BCAS3: variants seen among roughly 807,000 people sequenced by gnomAD.
The protein encoded by BCAS3 is BCAS3 microtubule associated cell migration factor, also known as BCAS4/BCAS3 fusion.
A neutral mutation model predicts 116.1 loss-of-function variants in BCAS3; 53 were observed. The ratio of observed to expected loss-of-function variants is 0.46; its 90% CI spans 0.37 to 0.57. BCAS3 has a LOEUF of 0.57. Ranked by LOEUF, BCAS3 falls within the 20% of genes least tolerant of loss-of-function variation. The probability of loss-of-function intolerance (pLI) is 0.00; values close to 1 mark genes in which losing one functional copy is unlikely to be tolerated. For synonymous variants in BCAS3, 391 were observed against 408.2 expected (o/e 0.96, Z 0.51); for missense variants, 917 against 1,165.4 (o/e 0.79, Z 3.10).
chr17:60,860,145 A>G (rs1033711560), intron 7 of BCAS3, among the ~76,000 whole-genome samples: 1 of 151,980 alleles, frequency 6.6e-6, no homozygotes, highest in Non-Finnish European at 1.5e-5. Context: ...TTTCTCCACA[A>G]CCTCGCTAGC....
chr17:60,764,737 G>A (rs1327397922), intron 6 of BCAS3, among the ~76,000 whole-genome samples: 1 of 152,154 alleles, frequency 6.6e-6, no homozygotes, highest in Non-Finnish European at 1.5e-5. Flanking sequence ...CTGAGTTCAA[G>A]TCCTGCATAT....
intron 8 of BCAS3, among the ~76,000 whole-genome samples, chr17:60,873,690 A>G (rs1054334608): frequency 2.6e-5 from 4 of 152,208 alleles, no homozygotes; most frequent in Non-Finnish European, 5.9e-5. Flanking sequence ...AGTGAATTTT[A>G]CTATATTGAG....
rs1218156804 is a variant in BCAS3 at position 60,873,420 on chromosome 17, AT to A, written c.585-1239del. On this transcript the variant is annotated intron_variant, in intron 8 of 23. Coordinates refer to ENST00000407086, the MANE Select transcript of BCAS3 (RefSeq NM_017679.5). ...ACTCATATTAGCATCTGTTGCTCAGATTTACCAGCTTCCAATTTTGAAAAAT... is the reference window on the plus strand; with the variant it reads ...ACTCATATTAGCATCTGTTGCTCAGATTACCAGCTTCCAATTTTGAAAAAT... Among the ~76,000 whole-genome samples the A allele has an allele frequency of 7.2e-5, 11 of 152,272 alleles. No individual in the cohort carries two copies. The East Asian group carries it at 1.7e-3, about 24-fold the overall frequency.
chr17:61,127,303 CCA>C (rs2076096314), intron 22 of BCAS3, among the ~76,000 whole-genome samples: 1 of 152,076 alleles, frequency 6.6e-6, no homozygotes, highest in East Asian at 1.9e-4. Context: ...GAAGGCTTCA[CCA>C]CTGAGTTATT....
intron 22 of BCAS3, among the ~76,000 whole-genome samples, chr17:61,108,643 A>T: frequency 6.8e-6 from 1 of 148,002 alleles, no homozygotes; most frequent in African/African-American, 2.5e-5. Flanking sequence ...TTTGGGGAAC[A>T]GGTGGTGTTT....
chr17:61,072,322 C>A (rs777470765), intron 19 of BCAS3, among the ~76,000 whole-genome samples: 6 of 152,090 alleles, frequency 3.9e-5, no homozygotes, highest in Non-Finnish European at 7.4e-5. Context: ...AATGACCAAT[C>A]CTGTTTTCAT....
chr17:61,018,793 C>T (rs781767311), intron 16 of BCAS3, among the ~76,000 whole-genome samples: 1 of 152,130 alleles, frequency 6.6e-6, no homozygotes, highest in Non-Finnish European at 1.5e-5. Context: ...CAGACATTCT[C>T]TTATATAACT....
intron 23 of BCAS3, among the ~76,000 whole-genome samples, chr17:61,386,493 G>T (rs1350535765): frequency 6.6e-6 from 1 of 152,224 alleles, no homozygotes; most frequent in Non-Finnish European, 1.5e-5. Flanking sequence ...TCCCTTCAGT[G>T]GGCAGCATCA....
chr17:60,688,556 G>A (rs1003933787), intron 3 of BCAS3, among the ~76,000 whole-genome samples: 1 of 152,090 alleles, frequency 6.6e-6, no homozygotes, highest in African/African-American at 2.4e-5. Context: ...GCTCACCTGT[G>A]TAATCCCAGC....
At chr17:61,334,970 C>G (rs1490439161) in intron 22 of BCAS3, among the ~76,000 whole-genome samples, 1 of 152,224 alleles carries the variant, frequency 6.6e-6, no homozygotes, top group Non-Finnish European at 1.5e-5. Flanking sequence ...TGCCTGAGGA[C>G]TGAACCTGAC....
chr17:61,257,747 G>A (rs2048899880), intron 22 of BCAS3, among the ~76,000 whole-genome samples: 1 of 152,224 alleles, frequency 6.6e-6, no homozygotes, highest in African/African-American at 2.4e-5. Flanking sequence ...TGTGATAAAT[G>A]TGTGACTTAC....
Position 61,258,943 on chromosome 17 carries a change from C to T in BCAS3, c.2426-109384C>T, listed in dbSNP as rs1209024829. On this transcript the variant is annotated intron_variant, in intron 22 of 23. Coordinates refer to ENST00000407086, the MANE Select transcript of BCAS3 (RefSeq NM_017679.5). This position sits in a 1 kb window ranked among gnomAD's most constrained non-coding sequence, Gnocchi z 4.7. ...CAGATGTTGCAGTGAGCTTTGAGCT[C>T]TTGGGGATTCTTGTTTTGTTTCTGA... Among the ~76,000 whole-genome samples the T allele has an allele frequency of 6.6e-6, 1 of 152,294 alleles. No homozygotes were observed. Among genetic ancestry groups the T allele is most frequent in the Non-Finnish European group, 1.5e-5 (1 of 68,036 alleles).
intron 22 of BCAS3, among the ~76,000 whole-genome samples, chr17:61,303,309 G>A (rs1262344498): frequency 6.6e-6 from 1 of 152,194 alleles, no homozygotes; most frequent in African/African-American, 2.4e-5. Flanking sequence ...ATGAGCGTGG[G>A]GAAGAATGTA....
At position 61,227,042 on chromosome 17, in the gene BCAS3, G is replaced by A. The variant is rs187909442; in HGVS notation, c.2426-141285G>A. On this transcript the variant is annotated intron_variant, in intron 22 of 23. Coordinates refer to ENST00000407086, the MANE Select transcript of BCAS3 (RefSeq NM_017679.5). The surrounding 1 kb of genome is among the most constrained non-coding windows in gnomAD (Gnocchi z 6.1). ...TGGGAGAGGAGTTCCAGGTTGGGGTGTATGAGGTGGTTAACTGTGTGCAAC... is the reference window on the plus strand; with the variant it reads ...TGGGAGAGGAGTTCCAGGTTGGGGTATATGAGGTGGTTAACTGTGTGCAAC... Among the ~76,000 whole-genome samples, 2 of 152,334 alleles carry A rather than the reference G, an allele frequency of 1.3e-5. No homozygotes were observed. Among genetic ancestry groups the A allele is most frequent in the Admixed American group, 6.5e-5 (1 of 15,304 alleles).
At chr17:60,765,838 A>G (rs559724834) in intron 6 of BCAS3, among the ~76,000 whole-genome samples, 32 of 152,250 alleles carry the variant, frequency 2.1e-4, no homozygotes, top group South Asian at 2.1e-3. Flanking sequence ...AATCAAACGT[A>G]GATTTGGTCT....
At chr17:61,386,170 G>C (rs1281755805) in intron 23 of BCAS3, among the ~76,000 whole-genome samples, 1 of 152,204 alleles carries the variant, frequency 6.6e-6, no homozygotes, top group African/African-American at 2.4e-5. Flanking sequence ...TCATGTTCGG[G>C]AACCTGAGGC....
rs2051236883 is a variant in BCAS3, at chr17:61,281,425, A to G, written c.2426-86902A>G. 6.6e-6 allele frequency among the ~76,000 whole-genome samples: 1 copy of G among 152,218 alleles called. No homozygotes were observed. The highest frequency in any genetic ancestry group is 1.5e-5 in the Non-Finnish European group (1 of 68,040). ...TATTTAATGTCAAATTTTCCATCAT[A>G]GTCACCATACTAAGTTATACTCCCA... On this transcript the variant is annotated intron_variant, in intron 22 of 23. Transcript: ENST00000407086. This position sits in a 1 kb window ranked among gnomAD's most constrained non-coding sequence, Gnocchi z 4.2.
chr17:61,247,250 T>G (rs935009123), intron 22 of BCAS3, among the ~76,000 whole-genome samples: 3 of 152,206 alleles, frequency 2.0e-5, no homozygotes, highest in Non-Finnish European at 4.4e-5. Context: ...TTGCTAAGTA[T>G]AATTTTCACA....
rs973921479 is a variant in BCAS3, at chr17:60,725,063, G to T, written c.321+15738G>T. Among the ~76,000 whole-genome samples, 3 of 152,042 alleles carry T rather than the reference G, an allele frequency of 2.0e-5. No individual in the cohort carries two copies. The South Asian group carries it at 6.2e-4, about 32-fold the overall frequency. ...TAGAGAGGGGCTCTCATTATGTTAC[G>T]CAGGCTGGCCTTGAACTCCTGGCCC... On this transcript the variant is annotated intron_variant, in intron 5 of 23. Coordinates refer to ENST00000407086, the MANE Select transcript of BCAS3 (RefSeq NM_017679.5).
Sources: gnomAD v4.1 joint callset for allele counts (sites outside exome capture counted in the v4.1 genomes callset) on GRCh38, gnomAD v4.1.1 for gene constraint, Gnocchi (gnomAD v3.1) non-coding constraint, MANE v1.5 for transcripts, NCBI Gene and HGNC (gene_info 2026-07-23, HGNC 2026-07-21) for gene names.